The following BBS9 variants were observed in gnomAD, a reference collection of about 807,000 sequenced individuals.
BBS9 encodes the protein Bardet-Biedl syndrome 9, also known as protein PTHB1.
BBS9 carries 89 observed loss-of-function variants against 117.7 expected under a neutral mutation model. The ratio of observed to expected loss-of-function variants is 0.76; its 90% CI spans 0.64 to 0.90. BBS9 has a LOEUF of 0.90. BBS9 is among the 40% of genes least tolerant of loss of function. The probability of loss-of-function intolerance (pLI) is 0.00; values close to 1 mark genes in which losing one functional copy is unlikely to be tolerated. For synonymous variants in BBS9, 379 were observed against 370.9 expected (o/e 1.02, Z -0.25); for missense variants, 982 against 1,042.2 (o/e 0.94, Z 0.80).
chr7:33,415,648 A>C (rs1217489825), intron 19 of BBS9, among the ~76,000 whole-genome samples: 1 of 152,158 alleles, frequency 6.6e-6, no homozygotes, highest in Admixed American at 6.6e-5. Context: ...GAGGCTGCTA[A>C]GTTCAACCTC....
intron 5 of BBS9, among the ~76,000 whole-genome samples, chr7:33,222,814 G>A (rs184515742): frequency 1.3e-5 from 2 of 151,978 alleles, no homozygotes; most frequent in Non-Finnish European, 2.9e-5. Context: ...TTAGCAGGGC[G>A]TAGTGGTGCA....
chr7:33,143,215 C>T lies in BBS9; in HGVS notation c.-11-3027C>T, dbSNP rs148345096. 7.0e-3 allele frequency among the ~76,000 whole-genome samples: 1,068 copies of T among 152,188 alleles called. 12 individuals are homozygous for T. The highest frequency in any genetic ancestry group is 0.022 in the African/African-American group (898 of 41,536). On this transcript the variant is annotated intron_variant, in intron 1 of 22. Transcript: ENST00000242067. Reference sequence around the variant, plus strand: ...CGATCTCCTGACCTCATGATCCACCCGCCTTGGCATCCCAAAGTGCTGGGA... The same window carrying T: ...CGATCTCCTGACCTCATGATCCACCTGCCTTGGCATCCCAAAGTGCTGGGA...
intron 19 of BBS9, among the ~76,000 whole-genome samples, chr7:33,435,186 C>T (rs1835115656): frequency 6.6e-6 from 1 of 152,050 alleles, no homozygotes; most frequent in Non-Finnish European, 1.5e-5. Flanking sequence ...GTAGGTTCTG[C>T]ATTGGTCGAT....
intron 21 of BBS9, among the ~76,000 whole-genome samples, chr7:33,600,257 C>CT (rs1554556910): frequency 1.3e-5 from 2 of 152,088 alleles, no homozygotes; most frequent in Non-Finnish European, 2.9e-5. Context: ...ATTGAAAGGG[C>CT]TTTTTTACGA....
intron 19 of BBS9, among the ~76,000 whole-genome samples, chr7:33,435,691 G>A (rs1235174671): frequency 6.6e-6 from 1 of 152,160 alleles, no homozygotes; most frequent in Non-Finnish European, 1.5e-5. Context: ...TGCCCCATTT[G>A]CAGGAATCAC....
At chr7:33,422,249 T>C (rs1253898660) in intron 19 of BBS9, among the ~76,000 whole-genome samples, 2 of 152,194 alleles carry the variant, frequency 1.3e-5, no homozygotes, top group African/African-American at 4.8e-5. Context: ...GTGTGACATA[T>C]TACTTCACAG....
chr7:33,399,624 G>A (rs1003423196), intron 19 of BBS9, among the ~76,000 whole-genome samples: 2 of 152,050 alleles, frequency 1.3e-5, no homozygotes, highest in African/African-American at 4.8e-5. Flanking sequence ...GTTATGAAAA[G>A]GGACTTAGAA....
At chr7:33,219,665 T>A (rs944290330) in intron 5 of BBS9, among the ~76,000 whole-genome samples, 5 of 152,110 alleles carry the variant, frequency 3.3e-5, no homozygotes, top group African/African-American at 1.2e-4. Flanking sequence ...GGTGGGGACA[T>A]GGAGAACCTT....
Position 33,273,886 on chromosome 7 carries a change from C to G in BBS9, c.946C>G (p.Gln316Glu). 2 of 1,610,986 alleles carry G rather than the reference C, an allele frequency of 1.2e-6. No individual in the cohort carries two copies. The highest frequency in any genetic ancestry group is 1.7e-6 in the Non-Finnish European group (2 of 1,177,398). The change falls in exon 9 of 23, where the codon CAA (glutamine) becomes GAA (glutamate). Residue 316 changes from glutamine to glutamate, a missense_variant. Coordinates refer to ENST00000242067, the MANE Select transcript of BBS9 (RefSeq NM_198428.3). ...GNHNNMLHIY[Q>E]DVTLKWATQL... ...TCATAATAACATGCTGCATATTTAT[C>G]AAGATGTGACACTGAAGTGGGCCAC...
intron 21 of BBS9, among the ~76,000 whole-genome samples, chr7:33,594,362 A>G (rs1454937381): frequency 1.3e-5 from 2 of 152,096 alleles, no homozygotes; most frequent in African/African-American, 4.8e-5. Flanking sequence ...CCTATTGGAC[A>G]CACACTACAG....
At chr7:33,293,467 G>C (rs1178789839) in intron 9 of BBS9, among the ~76,000 whole-genome samples, 1 of 152,122 alleles carries the variant, frequency 6.6e-6, no homozygotes, top group African/African-American at 2.4e-5. Context: ...TTTCTACCTA[G>C]GAGGCCCTGA....
chr7:33,574,684 AACACACACACACACACACACACAC>A lies in BBS9; in HGVS notation c.2522-30162_2522-30139del, dbSNP rs371229936. 1.4e-4 allele frequency among the ~76,000 whole-genome samples: 19 copies of A among 137,648 alleles called. No individual in the cohort carries two copies. In the East Asian group the frequency reaches 3.6e-3, roughly 26 times the overall value. The allele number at this position is 137,648 out of a possible 152,430, so 90.3% of individuals were successfully genotyped here. A position where few individuals can be genotyped will look rare whatever the true frequency, so the allele number is the denominator to read the frequency against. On this transcript the variant is annotated intron_variant, in intron 21 of 22. Coordinates refer to ENST00000242067, the MANE Select transcript of BBS9 (RefSeq NM_198428.3). ...TTCAATTGTACTGGAAGTCATAGAA[AACACACACACACACACACACACAC>A]ACACACACACACACACACGCGCACA...
intron 5 of BBS9, among the ~76,000 whole-genome samples, chr7:33,203,143 G>C (rs1452038976): frequency 6.6e-6 from 1 of 152,114 alleles, no homozygotes; most frequent in African/African-American, 2.4e-5. Context: ...AGGTGGTAGG[G>C]GTTGGTAAGG....
intron 4 of BBS9, among the ~76,000 whole-genome samples, chr7:33,173,352 G>C (rs540176901): frequency 6.6e-6 from 1 of 151,942 alleles, no homozygotes; most frequent in African/African-American, 2.4e-5. Context: ...AGGCTGAGGC[G>C]GGTGGATCAC....
intron 9 of BBS9, among the ~76,000 whole-genome samples, chr7:33,310,356 T>TA (rs201345326): frequency 0.029 from 4,346 of 152,134 alleles, 93 homozygotes; most frequent in Non-Finnish European, 0.043. Flanking sequence ...TATAGATTTT[T>TA]AAAAAAAACA....
At chr7:33,165,180 G>A (rs1302309821) in intron 4 of BBS9, among the ~76,000 whole-genome samples, 2 of 152,188 alleles carry the variant, frequency 1.3e-5, no homozygotes, top group Admixed American at 6.5e-5. Flanking sequence ...GGCTTGTAGA[G>A]TTTCTGCCGA....
At chr7:33,285,353 G>A (rs1428319088) in intron 9 of BBS9, among the ~76,000 whole-genome samples, 1 of 152,130 alleles carries the variant, frequency 6.6e-6, no homozygotes, top group Admixed American at 6.5e-5. Context: ...TAATGAATCT[G>A]CTATTGCATT....
At chr7:33,360,244 A>G (rs1470218351) in intron 16 of BBS9, among the ~76,000 whole-genome samples, 2 of 152,086 alleles carry the variant, frequency 1.3e-5, no homozygotes, top group Non-Finnish European at 2.9e-5. Context: ...TTATTTGATG[A>G]ATATTTAAAA....
intron 19 of BBS9, among the ~76,000 whole-genome samples, chr7:33,498,528 C>G (rs1015145188): frequency 6.6e-6 from 1 of 152,106 alleles, no homozygotes; most frequent in African/African-American, 2.4e-5. Context: ...CCACCCACCC[C>G]CAGCCCTAAG....
Sources: allele counts gnomAD v4.1 joint callset (sites outside exome capture counted in the v4.1 genomes callset), GRCh38; gene constraint gnomAD v4.1.1; transcripts MANE v1.5; gene names NCBI Gene and HGNC (gene_info 2026-07-23, HGNC 2026-07-21).